Variants in CSMD1 observed in about 807,000 individuals in gnomAD.
The protein encoded by CSMD1 is CUB and sushi domain-containing protein 1.
CSMD1 carries 213 observed loss-of-function variants against 417.5 expected under a neutral mutation model. The observed-to-expected ratio is 0.51, with a 90% confidence interval of 0.46 to 0.57. The LOEUF is 0.57. CSMD1 is among the 20% of genes least tolerant of loss of function. CSMD1 has a pLI of 0.00. For missense variants in CSMD1, 6,923 were observed against 4,529.7 expected, an observed-to-expected ratio of 1.53 and a Z score of -15.17; for synonymous variants, 2,862 against 1,736.8, an observed-to-expected ratio of 1.65 and a Z score of -16.11.
chr8:3,179,035 C>G (rs973915647), intron 37 of CSMD1, among the ~76,000 whole-genome samples: 1 of 151,144 alleles, frequency 6.6e-6, no homozygotes, highest in Admixed American at 6.6e-5. Flanking sequence ...GCAAGCTCTG[C>G]CTCCCGGGTT....
At chr8:4,121,431 C>T (rs564751431) in intron 3 of CSMD1, among the ~76,000 whole-genome samples, 20 of 152,252 alleles carry the variant, frequency 1.3e-4, no homozygotes, top group East Asian at 3.9e-4. Flanking sequence ...AGAATTCACA[C>T]GCCCACCACA....
At chr8:2,964,566 G>C (rs1803789330) in intron 59 of CSMD1, among the ~76,000 whole-genome samples, 1 of 152,196 alleles carries the variant, frequency 6.6e-6, no homozygotes, top group Non-Finnish European at 1.5e-5. Flanking sequence ...ATGGGTACTA[G>C]AAAGAGGATA....
intron 3 of CSMD1, among the ~76,000 whole-genome samples, chr8:4,355,325 G>T (rs113953007): frequency 6.7e-6 from 1 of 148,784 alleles, no homozygotes; most frequent in South Asian, 2.1e-4. Flanking sequence ...ACACACACAC[G>T]CACACACACA....
At chr8:4,829,451 A>C (rs535865283) in intron 1 of CSMD1, among the ~76,000 whole-genome samples, 19 of 152,156 alleles carry the variant, frequency 1.2e-4, no homozygotes, top group Non-Finnish European at 2.8e-4. Context: ...AGTAGAAATT[A>C]ACATTTAAGG....
chr8:3,829,212 T>C lies in CSMD1; in HGVS notation c.819-75170A>G, dbSNP rs910304273. Among the ~76,000 whole-genome samples, 8 of 152,134 alleles carry C rather than the reference T, an allele frequency of 5.3e-5. No individual in the cohort carries two copies. In the South Asian group the frequency reaches 6.2e-4, roughly 12 times the overall value. Reference sequence around the variant, plus strand: ...TTTTCCCCCAAGTCCTCAAAGTCCATTGTATCCTTCTTATGCCTTTGCATC... The same window carrying C: ...TTTTCCCCCAAGTCCTCAAAGTCCACTGTATCCTTCTTATGCCTTTGCATC... On this transcript the variant is annotated intron_variant, in intron 5 of 69. Transcript: ENST00000635120.
At chr8:2,953,955 C>A (rs1802822609) in intron 65 of CSMD1, among the ~76,000 whole-genome samples, 1 of 152,240 alleles carries the variant, frequency 6.6e-6, no homozygotes, top group Admixed American at 6.5e-5. Flanking sequence ...TTTCTGCCTA[C>A]CAAATGCCGA....
intron 6 of CSMD1, among the ~76,000 whole-genome samples, chr8:3,717,045 G>T (rs1001376586): frequency 2.0e-5 from 3 of 152,114 alleles, no homozygotes; most frequent in Non-Finnish European, 4.4e-5. Flanking sequence ...GGTAGAAGCA[G>T]GGTTTGCTGT....
intron 5 of CSMD1, among the ~76,000 whole-genome samples, chr8:3,932,169 T>C (rs1037330924): frequency 1.3e-5 from 2 of 150,346 alleles, no homozygotes; most frequent in Admixed American, 1.3e-4. Context: ...AACTCAGATA[T>C]TCCTAACTGT....
At chr8:3,548,845 G>A (rs1027214791) in intron 10 of CSMD1, among the ~76,000 whole-genome samples, 1 of 152,048 alleles carries the variant, frequency 6.6e-6, no homozygotes, top group African/African-American at 2.4e-5. Flanking sequence ...AGGAGGGCAG[G>A]CAGGGTGCTC....
At chr8:4,219,593 C>T (rs528873336) in intron 3 of CSMD1, among the ~76,000 whole-genome samples, 33 of 152,224 alleles carry the variant, frequency 2.2e-4, no homozygotes, top group East Asian at 5.8e-4. Context: ...TCAATTTCTA[C>T]GGTTGGCTCC....
intron 23 of CSMD1, among the ~76,000 whole-genome samples, chr8:3,331,187 G>A (rs562337113): frequency 4.3e-4 from 65 of 150,226 alleles, no homozygotes; most frequent in African/African-American, 1.3e-3. Flanking sequence ...GCAGTGAGCC[G>A]AGATCGTGCC....
intron 10 of CSMD1, among the ~76,000 whole-genome samples, chr8:3,532,495 T>C (rs184720232): frequency 2.1e-4 from 32 of 152,282 alleles, no homozygotes; most frequent in Non-Finnish European, 3.8e-4. Flanking sequence ...CTCTCCTCCA[T>C]ATCCCAACCT....
intron 10 of CSMD1, among the ~76,000 whole-genome samples, chr8:3,538,122 C>T (rs1344487342): frequency 6.6e-6 from 1 of 152,176 alleles, no homozygotes; most frequent in Non-Finnish European, 1.5e-5. Flanking sequence ...ATAAACCAAA[C>T]GATTGCACAT....
At chr8:3,471,660 CT>C (rs1817111361) in intron 11 of CSMD1, among the ~76,000 whole-genome samples, 1 of 144,532 alleles carries the variant, frequency 6.9e-6, no homozygotes, top group South Asian at 2.4e-4. Flanking sequence ...TCCTTCCTTC[CT>C]TTCCCTCCCT....
At chr8:3,360,820 C>A (rs1253471626) in intron 20 of CSMD1, among the ~76,000 whole-genome samples, 1 of 151,554 alleles carries the variant, frequency 6.6e-6, no homozygotes, top group African/African-American at 2.4e-5. Context: ...CCAACTGATC[C>A]TTTTCCCCTT....
chr8:3,967,494 A>G (rs571706662), intron 5 of CSMD1, among the ~76,000 whole-genome samples: 2 of 152,120 alleles, frequency 1.3e-5, no homozygotes, highest in African/African-American at 2.4e-5. Context: ...GTTGAAATAC[A>G]TGTGTTGCGG....
At chr8:4,578,905 A>G (rs1017450885) in intron 2 of CSMD1, among the ~76,000 whole-genome samples, 2 of 151,588 alleles carry the variant, frequency 1.3e-5, no homozygotes, top group African/African-American at 4.8e-5. Context: ...TGAAATCACC[A>G]TGTGAAAACC....
At chr8:4,581,509 G>A (rs887774577) in intron 2 of CSMD1, among the ~76,000 whole-genome samples, 7 of 152,160 alleles carry the variant, frequency 4.6e-5, no homozygotes, top group Admixed American at 4.6e-4. Context: ...AAGGGTTTGA[G>A]AAGCATGCAT....
chr8:4,111,247 A>G (rs1178714193), intron 3 of CSMD1, among the ~76,000 whole-genome samples: 2 of 152,092 alleles, frequency 1.3e-5, no homozygotes, highest in African/African-American at 4.8e-5. Context: ...GCTTTCTATT[A>G]TCATCAGTCA....
Sources: gnomAD v4.1 joint callset for allele counts (sites outside exome capture counted in the v4.1 genomes callset) on GRCh38, gnomAD v4.1.1 for gene constraint, MANE v1.5 for transcripts, NCBI Gene and HGNC (gene_info 2026-07-23, HGNC 2026-07-21) for gene names.